Variants in SNX1 observed in about 807,000 individuals in gnomAD.
The protein encoded by SNX1 is sorting nexin-1.
A neutral mutation model predicts 71.8 loss-of-function variants in SNX1; 36 were observed. That is an observed-to-expected ratio of 0.50 (90% CI 0.38 to 0.66). The LOEUF is 0.66. Among genes scored for constraint, SNX1 ranks in the 30% least tolerant of loss-of-function variants. SNX1 has a pLI of 0.00. For missense variants in SNX1, 612 were observed against 646.7 expected (o/e 0.95, Z 0.58); for synonymous variants, 254 against 240.7 (o/e 1.06, Z -0.51).
intron 6 of SNX1, 106 bp from the exon 7 acceptor site, chr15:64,127,068 G>A (rs1270653050): frequency 6.2e-6 from 5 of 809,734 alleles, no homozygotes; most frequent in Non-Finnish European, 1.0e-5. Context: ...GCCTTAGGCT[G>A]TGTGCTAGCC....
chr15:64,134,732 G>A lies in SNX1; in HGVS notation c.1290G>A (p.Lys430=). The A allele has an allele frequency of 1.2e-6, 2 of 1,613,972 alleles. No homozygotes were observed. Among genetic ancestry groups the A allele is most frequent in the Non-Finnish European group, 1.7e-6 (2 of 1,180,042 alleles). The part of the protein sequence containing the change: ...WQDAQATLQK[K]REAEARLLWA... ...ATGCCCAAGCCACACTGCAGAAGAA[G>A]CGGGAGGCCGAGGCTCGGCTGCTGT... Residue 430 remains lysine (K), a synonymous_variant, in exon 12 of 15, where the codon AAG becomes AAA. Transcript: ENST00000559844. This position sits in a 1 kb window ranked among gnomAD's most constrained non-coding sequence, Gnocchi z 4.1.
rs1567331400 is a variant in SNX1, at chr15:64,131,669, G to A, written c.1016-18G>A. On this transcript the variant is annotated intron_variant, in intron 10 of 14. Coordinates refer to ENST00000559844, the MANE Select transcript of SNX1 (RefSeq NM_003099.5). Reference sequence around the variant, plus strand: ...TTGTGAGATCAGAGAGGCCTCTGCTGTCTTTTCCTCCTTCCAGAGCTAGCG... The same window carrying A: ...TTGTGAGATCAGAGAGGCCTCTGCTATCTTTTCCTCCTTCCAGAGCTAGCG... 6.2e-7 allele frequency: 1 copy of A among 1,612,648 alleles called. No individual in the cohort carries two copies. Among genetic ancestry groups the A allele is most frequent in the East Asian group, 2.2e-5 (1 of 44,872 alleles).
chr15:64,127,762 A>G lies in SNX1; in HGVS notation c.763A>G (p.Met255Val), dbSNP rs1319918419. 2 of 1,613,990 alleles carry G rather than the reference A, an allele frequency of 1.2e-6. No homozygotes were observed. The highest frequency in any genetic ancestry group is 1.7e-6 in the Non-Finnish European group (2 of 1,179,862). Residue 255 changes from methionine to valine, a missense_variant, in exon 8 of 15, where the codon ATG becomes GTG. Coordinates refer to ENST00000559844, the MANE Select transcript of SNX1 (RefSeq NM_003099.5). ...YLQRIVNHPT[M>V]LQDPDVREFL... The stretch of plus-strand genomic sequence containing the variant: ...TCAGAGGATTGTAAATCATCCTACC[A>G]TGTTACAGGACCCTGACGTCAGAGA...
intron 4 of SNX1, among the ~76,000 whole-genome samples, chr15:64,119,856 G>C (rs765450057): frequency 7.2e-5 from 11 of 151,928 alleles, no homozygotes; most frequent in Admixed American, 2.0e-4. Context: ...TTCTAAAATT[G>C]AGGGACACTG....
At chr15:64,123,235 C>T (rs932408019) in intron 4 of SNX1, among the ~76,000 whole-genome samples, 1 of 152,200 alleles carries the variant, frequency 6.6e-6, no homozygotes, top group African/African-American at 2.4e-5. Flanking sequence ...TAAATGGAGC[C>T]TGGCCTGGCT....
At chr15:64,118,381 C>T in intron 3 of SNX1, 137 bp downstream of exon 3, 1 of 968,220 alleles carries the variant, frequency 1.0e-6, no homozygotes, top group Non-Finnish European at 1.5e-6. Context: ...AATGGACAGC[C>T]AGAATCCAAT....
In SNX1 at chr15:64,141,750, C is replaced by G. The variant is rs1056614796; in HGVS notation, c.*4132C>G. On this transcript the variant is annotated 3_prime_UTR_variant, in exon 15 of 15. Transcript: ENST00000559844. This position sits in a 1 kb window ranked among gnomAD's most constrained non-coding sequence, Gnocchi z 5.1. ...TTGTCGCTTCGTGATCTGGACACAC[C>G]AGAAGGCGTGAGACTGGAGGCAGGA... 6.6e-6 allele frequency: 1 copy of G among 152,360 alleles called. No homozygotes were observed. Among genetic ancestry groups the G allele is most frequent in the Non-Finnish European group, 1.5e-5 (1 of 68,184 alleles). 9.4% of individuals were successfully genotyped at this position (152,360 alleles called of 1,614,324 possible). A position where few individuals can be genotyped will look rare whatever the true frequency, so the allele number is the denominator to read the frequency against.
Position 64,134,508 on chromosome 15 carries a change from A to G in SNX1, c.1222-156A>G. The G allele has an allele frequency of 1.3e-6, 1 of 796,400 alleles. No individual in the cohort carries two copies. The highest frequency in any genetic ancestry group is 1.9e-6 in the Non-Finnish European group (1 of 515,798). 49.3% of individuals were successfully genotyped at this position (796,400 alleles called of 1,614,324 possible). On this transcript the variant is annotated intron_variant, in intron 11 of 14. Coordinates refer to ENST00000559844, the MANE Select transcript of SNX1 (RefSeq NM_003099.5). This position sits in a 1 kb window ranked among gnomAD's most constrained non-coding sequence, Gnocchi z 4.1. ...AGTCTTACCCAAGCTTTGCTCCTAG[A>G]CATTAAACTTCCCAGCTGGGCACTA...
At chr15:64,098,391 T>C (rs2080924530) in intron 1 of SNX1, among the ~76,000 whole-genome samples, 1 of 152,184 alleles carries the variant, frequency 6.6e-6, no homozygotes, top group Non-Finnish European at 1.5e-5. Context: ...GAGGAGTTAT[T>C]TTCTAGAGTT....
chr15:64,138,305 G>T lies in SNX1; in HGVS notation c.*687G>T. 1 of 1,055,110 alleles carries T rather than the reference G, an allele frequency of 9.5e-7. No homozygotes were observed. The highest frequency in any genetic ancestry group is 1.3e-6 in the Non-Finnish European group (1 of 779,038). The allele number at this position is 1,055,110 out of a possible 1,614,324, so 65.4% of individuals were successfully genotyped here. A position where few individuals can be genotyped will look rare whatever the true frequency, so the allele number is the denominator to read the frequency against. On this transcript the variant is annotated 3_prime_UTR_variant, in exon 15 of 15. Transcript: ENST00000559844. ...TTAAAACCTATTCTCCTGCAAAGGAGGCAGAGACTTTCTCTCTCTCTTTTT... is the reference window on the plus strand; with the variant it reads ...TTAAAACCTATTCTCCTGCAAAGGATGCAGAGACTTTCTCTCTCTCTTTTT...
At position 64,144,204 on chromosome 15, in the gene SNX1, A is replaced by T. The variant is rs1236001116; in HGVS notation, c.*6586A>T. ...TATTATCGTTAAAATAAGAAAAATC[A>T]AATAAAGCTATTTTCATTATGGGAA... On this transcript the variant is annotated 3_prime_UTR_variant, in exon 15 of 15. Transcript: ENST00000559844. The surrounding 1 kb of genome is among the most constrained non-coding windows in gnomAD (Gnocchi z 4.3). 1 of 152,206 alleles carries T rather than the reference A, an allele frequency of 6.6e-6. No homozygotes were observed. Among genetic ancestry groups the T allele is most frequent in the African/African-American group, 2.4e-5 (1 of 41,428 alleles). The allele number at this position is 152,206 out of a possible 1,614,324, so 9.4% of individuals were successfully genotyped here.
At chr15:64,132,785 G>A (rs997809798) in intron 11 of SNX1, among the ~76,000 whole-genome samples, 2 of 152,234 alleles carry the variant, frequency 1.3e-5, no homozygotes, top group African/African-American at 2.4e-5. Flanking sequence ...CTCCCAGGCT[G>A]TCACTTACCC....
At chr15:64,115,623 G>T in intron 2 of SNX1, 5 of 382,754 alleles carry the variant, frequency 1.3e-5, no homozygotes, top group Non-Finnish European at 1.5e-5. Context: ...GAGTGCAGTG[G>T]TGTGGTCATG....
intron 1 of SNX1, among the ~76,000 whole-genome samples, chr15:64,104,038 T>A (rs1041394988): frequency 1.3e-5 from 2 of 152,164 alleles, no homozygotes; most frequent in African/African-American, 4.8e-5. Flanking sequence ...GAAGTTGAAA[T>A]TCTACCTTGT....
In SNX1 at chr15:64,134,509, C is replaced by A; in HGVS notation, c.1222-155C>A. 2.4e-6 allele frequency: 2 copies of A among 818,796 alleles called. No homozygotes were observed. The highest frequency in any genetic ancestry group is 3.7e-6 in the Non-Finnish European group (2 of 535,930). The allele number at this position is 818,796 out of a possible 1,614,324, so 50.7% of individuals were successfully genotyped here. The stretch of plus-strand genomic sequence containing the variant: ...GTCTTACCCAAGCTTTGCTCCTAGA[C>A]ATTAAACTTCCCAGCTGGGCACTAA... On this transcript the variant is annotated intron_variant, in intron 11 of 14. Transcript: ENST00000559844. This position sits in a 1 kb window ranked among gnomAD's most constrained non-coding sequence, Gnocchi z 4.1.
intron 4 of SNX1, among the ~76,000 whole-genome samples, chr15:64,121,514 A>G (rs1158748272): frequency 6.6e-6 from 1 of 152,146 alleles, no homozygotes; most frequent in Non-Finnish European, 1.5e-5. Flanking sequence ...CTCTTTAACA[A>G]ATAAGGACAC....
intron 4 of SNX1, among the ~76,000 whole-genome samples, chr15:64,120,389 C>T (rs145557622): frequency 0.02 from 2,944 of 150,426 alleles, 115 homozygotes; most frequent in African/African-American, 0.069. Context: ...CCTTCCACCT[C>T]AGCCTCCTGA....
intron 6 of SNX1, 55 bp from the exon 7 acceptor site, chr15:64,127,119 A>T: frequency 1.5e-6 from 2 of 1,355,752 alleles, no homozygotes; most frequent in Non-Finnish European, 2.1e-6. Flanking sequence ...AAAAAAAAAG[A>T]TTTATCCTCT....
chr15:64,122,095 G>A (rs2081202108), intron 4 of SNX1, among the ~76,000 whole-genome samples: 4 of 152,120 alleles, frequency 2.6e-5, no homozygotes, highest in Admixed American at 2.6e-4. Context: ...AGTAAAAGCA[G>A]CTGAGAAACA....
Sources: allele counts gnomAD v4.1 joint callset (sites outside exome capture counted in the v4.1 genomes callset), GRCh38; gene constraint gnomAD v4.1.1; non-coding constraint Gnocchi (gnomAD v3.1); transcripts MANE v1.5; gene names NCBI Gene and HGNC (gene_info 2026-07-23, HGNC 2026-07-21).